ANKHD1: variants seen among roughly 807,000 people sequenced by gnomAD.
ANKHD1 encodes ankyrin repeat and KH domain-containing protein 1.
Under a neutral mutation model 230.5 loss-of-function variants are expected in ANKHD1, and 31 were observed. That is an observed-to-expected ratio of 0.13 (90% CI 0.10 to 0.18). The LOEUF is 0.18. Ranked by LOEUF, ANKHD1 falls within the 10% of genes least tolerant of loss-of-function variation. The pLI, the probability that ANKHD1 is intolerant of heterozygous loss-of-function variation, is 1.00. For missense variants in ANKHD1, 2,256 were observed against 3,071.3 expected (o/e 0.73, Z 6.27); for synonymous variants, 1,074 against 1,117.6 (o/e 0.96, Z 0.78).
At chr5:140,477,787 T>C (rs1751049193) in intron 10 of ANKHD1, among the ~76,000 whole-genome samples, 1 of 152,102 alleles carries the variant, frequency 6.6e-6, no homozygotes, top group Non-Finnish European at 1.5e-5. Context: ...AATTTTTGTA[T>C]TTTTAGTAGA....
At chr5:140,409,896 C>A (rs911225538) in intron 1 of ANKHD1, among the ~76,000 whole-genome samples, 1 of 152,026 alleles carries the variant, frequency 6.6e-6, no homozygotes, top group Admixed American at 6.6e-5. Context: ...TCACAAGCTT[C>A]ATGATGTAAA....
At chr5:140,494,842 A>C (rs1751955026) in intron 14 of ANKHD1, among the ~76,000 whole-genome samples, 1 of 152,226 alleles carries the variant, frequency 6.6e-6, no homozygotes, top group Admixed American at 6.5e-5. Flanking sequence ...CTGCAATTCA[A>C]AATAATAGAT....
intron 1 of ANKHD1, among the ~76,000 whole-genome samples, chr5:140,406,115 G>C (rs1561670946): frequency 6.6e-6 from 1 of 151,948 alleles, no homozygotes; most frequent in African/African-American, 2.4e-5. Flanking sequence ...GAGGGCGCCT[G>C]TAATCTGAGT....
chr5:140,496,894 T>C lies in ANKHD1; in HGVS notation c.2620T>C (p.Ser874Pro). The C allele has an allele frequency of 6.2e-7, 1 of 1,614,216 alleles. No homozygotes were observed. The highest frequency in any genetic ancestry group is 1.1e-5 in the South Asian group (1 of 91,086). ...KDTVSLHQQCSHRGVFPEGEG... is the reference protein window; with the variant it reads ...KDTVSLHQQCPHRGVFPEGEG... ...CACAGTGTCTCTACACCAACAGTGC[T>C]CTCATAGAGGAGTCTTCCCAGAAGG... The change falls in exon 15 of 34, where the codon TCT (serine) becomes CCT (proline). Residue 874 changes from serine to proline, a missense_variant. Physicochemically the swap from Ser to Pro is moderately conservative, Grantham distance 74. This residue lies in a region of ANKHD1 where 358 missense variants were observed against 397.7 expected (regional missense o/e 0.90). Coordinates refer to ENST00000360839, the MANE Select transcript of ANKHD1 (RefSeq NM_017747.3).
At chr5:140,531,580 G>GT (rs1554094723) in intron 29 of ANKHD1, among the ~76,000 whole-genome samples, 1 of 143,752 alleles carries the variant, frequency 7.0e-6, no homozygotes, top group Non-Finnish European at 1.5e-5. Context: ...AGACTGTCAG[G>GT]AAAAAAAAAA....
intron 10 of ANKHD1, among the ~76,000 whole-genome samples, chr5:140,466,617 C>A (rs931663571): frequency 6.6e-6 from 1 of 152,022 alleles, no homozygotes; most frequent in Non-Finnish European, 1.5e-5. Context: ...TTTGAACTTA[C>A]CGTATTTACT....
intron 1 of ANKHD1, among the ~76,000 whole-genome samples, chr5:140,431,258 G>C (rs1773022842): frequency 6.6e-6 from 1 of 151,946 alleles, no homozygotes; most frequent in African/African-American, 2.4e-5. Flanking sequence ...ACTCATTCTG[G>C]GTTTTTTTCC....
chr5:140,508,821 C>G (rs965949027), intron 20 of ANKHD1, among the ~76,000 whole-genome samples: 1 of 142,520 alleles, frequency 7.0e-6, no homozygotes, highest in Non-Finnish European at 1.5e-5. Flanking sequence ...TCCATAGATG[C>G]AGGAAACACA....
intron 10 of ANKHD1, among the ~76,000 whole-genome samples, chr5:140,466,827 A>G (rs186012094): frequency 1.3e-5 from 2 of 151,998 alleles, no homozygotes; most frequent in East Asian, 3.9e-4. Flanking sequence ...GGCCCCTGTA[A>G]TCCCAGATAC....
intron 1 of ANKHD1, among the ~76,000 whole-genome samples, chr5:140,421,404 G>A (rs1459021325): frequency 2.7e-5 from 4 of 149,852 alleles, no homozygotes; most frequent in African/African-American, 9.8e-5. Context: ...GGGTTCAAGC[G>A]ATTATCCTGC....
At chr5:140,411,552 C>G (rs1770926188) in intron 1 of ANKHD1, among the ~76,000 whole-genome samples, 1 of 144,956 alleles carries the variant, frequency 6.9e-6, no homozygotes, top group African/African-American at 2.5e-5. Flanking sequence ...CGGAGTCTCA[C>G]TCTGTTGCCC....
At chr5:140,425,976 T>C (rs1480767647) in intron 1 of ANKHD1, among the ~76,000 whole-genome samples, 1 of 152,134 alleles carries the variant, frequency 6.6e-6, no homozygotes, top group Non-Finnish European at 1.5e-5. Context: ...TGACTTAAAG[T>C]GGAGGGCTCA....
intron 9 of ANKHD1, 110 bp downstream of exon 9, chr5:140,459,465 C>G (rs1290658557): frequency 3.0e-6 from 4 of 1,332,076 alleles, no homozygotes; most frequent in African/African-American, 2.9e-5. Context: ...TGGTGGTTAC[C>G]AGAGTGTGGG....
chr5:140,442,373 A>G (rs1773925795), intron 5 of ANKHD1, among the ~76,000 whole-genome samples: 1 of 151,740 alleles, frequency 6.6e-6, no homozygotes, highest in Non-Finnish European at 1.5e-5. Flanking sequence ...ACAGTCCCCA[A>G]CCTTTTTGAC....
At chr5:140,476,979 G>A (rs949007940) in intron 10 of ANKHD1, among the ~76,000 whole-genome samples, 7 of 151,952 alleles carry the variant, frequency 4.6e-5, no homozygotes, top group South Asian at 2.1e-4. Context: ...AAATAGAATC[G>A]TAATCAGAAC....
intron 6 of ANKHD1, 70 bp downstream of exon 6, chr5:140,446,045 T>TCAAAACTCAAA: frequency 7.2e-7 from 1 of 1,383,936 alleles, no homozygotes; most frequent in Non-Finnish European, 9.5e-7. Flanking sequence ...TATTGAGTAT[T>TCAAAACTCAAA]TGAGTTTACT....
intron 23 of ANKHD1, 140 bp from the exon 24 acceptor site, chr5:140,513,223 T>C: frequency 7.2e-6 from 6 of 828,428 alleles, no homozygotes; most frequent in Non-Finnish European, 1.1e-5. Context: ...TTGTGAAAGA[T>C]TGGACTCAAA....
In ANKHD1 at chr5:140,401,872, G is replaced by A; in HGVS notation, c.-96G>A. ...GGCGCTGCTGGGACGGGGGAAAGGA[G>A]ACGCTTCTTCCTCTTGCTGCTCTTC... On this transcript the variant is annotated 5_prime_UTR_variant, in exon 1 of 34. Transcript: ENST00000360839. The A allele has an allele frequency of 6.9e-7, 1 of 1,450,088 alleles. No individual in the cohort carries two copies. The highest frequency in any genetic ancestry group is 9.0e-7 in the Non-Finnish European group (1 of 1,106,922). 89.8% of individuals were successfully genotyped at this position (1,450,088 alleles called of 1,614,324 possible).
chr5:140,478,143 A>G (rs1159540499), intron 10 of ANKHD1, among the ~76,000 whole-genome samples: 1 of 152,198 alleles, frequency 6.6e-6, no homozygotes, highest in Non-Finnish European at 1.5e-5. Context: ...ACCTTGTTCT[A>G]TCATATATGG....
Sources: gnomAD v4.1 joint callset for allele counts (sites outside exome capture counted in the v4.1 genomes callset) on GRCh38, gnomAD v4.1.1 for gene constraint, gnomAD v4.1.1 regional missense constraint, MANE v1.5 for transcripts, NCBI Gene and HGNC (gene_info 2026-07-23, HGNC 2026-07-21) for gene names.